Variants in NR5A1 observed in about 807,000 individuals in gnomAD.
NR5A1 encodes the protein steroidogenic factor 1.
In NR5A1, 6 loss-of-function variants were observed where a neutral mutation model predicts 42.7. The observed-to-expected ratio is 0.14, with a 90% CI of 0.08 to 0.28. The LOEUF (loss-of-function observed/expected upper bound fraction) is 0.28, where lower values mean the gene tolerates loss of function less well. NR5A1 is among the 10% of genes least tolerant of loss of function. The probability of loss-of-function intolerance (pLI) is 1.00; values close to 1 mark genes in which losing one functional copy is unlikely to be tolerated. For synonymous variants in NR5A1, 274 were observed against 277.5 expected, an observed-to-expected ratio of 0.99 and a Z score of 0.12; for missense variants, 442 against 626.4, an observed-to-expected ratio of 0.71 and a Z score of 3.14.
At position 124,501,353 on chromosome 9, in the gene NR5A1, A is replaced by G. The variant is rs1169800812; in HGVS notation, c.245-638T>C. 6.6e-6 allele frequency among the ~76,000 whole-genome samples: 1 copy of G among 152,204 alleles called. No homozygotes were observed. Among genetic ancestry groups the G allele is most frequent in the Non-Finnish European group, 1.5e-5 (1 of 68,028 alleles). On this transcript the variant is annotated intron_variant, in intron 3 of 6. Transcript: ENST00000373588. The surrounding 1 kb of genome is among the most constrained non-coding windows in gnomAD (Gnocchi z 4.1). ...ACTCAAGTATCCTTCACTGGCTGCGAATGTGAAGCCAAGTTTAGAGCTGGC... is the reference window on the plus strand; with the variant it reads ...ACTCAAGTATCCTTCACTGGCTGCGGATGTGAAGCCAAGTTTAGAGCTGGC...
intron 3 of NR5A1, among the ~76,000 whole-genome samples, chr9:124,502,196 G>A (rs1332259131): frequency 1.3e-5 from 2 of 152,158 alleles, no homozygotes; most frequent in African/African-American, 4.8e-5. Flanking sequence ...GCTAACCTGC[G>A]GCAATGAACG....
At position 124,500,367 on chromosome 9, in the gene NR5A1, G is replaced by A. The variant is rs774216266; in HGVS notation, c.593C>T (p.Pro198Leu). The A allele has an allele frequency of 9.2e-5, 143 of 1,556,536 alleles. No individual in the cohort carries two copies. The highest frequency in any genetic ancestry group is 1.2e-4 in the Non-Finnish European group (140 of 1,150,666). The change falls in exon 4 of 7, where the codon CCG becomes CTG. Residue 198 changes from proline (P) to leucine (L), a missense_variant. By Grantham distance (98) the Pro-to-Leu change is moderately conservative. Transcript: ENST00000373588. The surrounding 1 kb of genome is among the most constrained non-coding windows in gnomAD (Gnocchi z 6.9). ...CTGTGGGGGGCTGGCATAAGGCTCCGGGTACTCAGACTTGATGGCACGGCC... is the reference window on the plus strand; with the variant it reads ...CTGTGGGGGGCTGGCATAAGGCTCCAGGTACTCAGACTTGATGGCACGGCC... ...FPGRAIKSEYPEPYASPPQPG... is the reference protein window; with the variant it reads ...FPGRAIKSEYLEPYASPPQPG...
chr9:124,487,101 G>T (rs1832224281), intron 6 of NR5A1, among the ~76,000 whole-genome samples: 1 of 152,240 alleles, frequency 6.6e-6, no homozygotes, highest in South Asian at 2.1e-4. Context: ...CGGAGGTGGA[G>T]GTCGGAGGGA....
intron 4 of NR5A1, among the ~76,000 whole-genome samples, chr9:124,493,980 A>G (rs1165885556): frequency 6.6e-6 from 1 of 152,148 alleles, no homozygotes; most frequent in Non-Finnish European, 1.5e-5. Flanking sequence ...TCCCGGGATC[A>G]CACAGAGGCA....
rs367744822 is a variant in NR5A1, at chr9:124,500,073, C to T, written c.870+17G>A. 44 of 1,613,012 alleles carry T rather than the reference C, an allele frequency of 2.7e-5. No individual in the cohort carries two copies. The African/African-American group carries it at 4.5e-4, about 17-fold the overall frequency. On this transcript the variant is annotated intron_variant, in intron 4 of 6. Transcript: ENST00000373588. This position sits in a 1 kb window ranked among gnomAD's most constrained non-coding sequence, Gnocchi z 6.9. ...GGACCATGATGCAGGGCCAGCCGGG[C>T]GGGAGGAGAGACTCACCTCCAGCTC...
At position 124,499,171 on chromosome 9, in the gene NR5A1, G is replaced by A. The variant is rs186215877; in HGVS notation, c.870+919C>T. 1.2e-3 allele frequency among the ~76,000 whole-genome samples: 177 copies of A among 152,294 alleles called. 2 individuals are homozygous for A. In the South Asian group the frequency reaches 0.025, roughly 21 times the overall value. Reference sequence around the variant, plus strand: ...GGGCAGGCCTTGGTCAGCTGGAGGGGCCTCTAGGGAGGTCTCAGAGAGCCA... The same window carrying A: ...GGGCAGGCCTTGGTCAGCTGGAGGGACCTCTAGGGAGGTCTCAGAGAGCCA... On this transcript the variant is annotated intron_variant, in intron 4 of 6. Coordinates refer to ENST00000373588, the MANE Select transcript of NR5A1 (RefSeq NM_004959.5).
rs530736077 is a variant in NR5A1 at position 124,495,880 on chromosome 9, T to G, written c.871-2731A>C. 4.6e-5 allele frequency among the ~76,000 whole-genome samples: 7 copies of G among 152,308 alleles called. No individual in the cohort carries two copies. In the East Asian group the frequency reaches 1.4e-3, roughly 29 times the overall value. ...GGGCACAGAGCCACAATATGGTCGCTGAGGCTTTGGTGCCCCGTGCCCTGC... is the reference window on the plus strand; with the variant it reads ...GGGCACAGAGCCACAATATGGTCGCGGAGGCTTTGGTGCCCCGTGCCCTGC... On this transcript the variant is annotated intron_variant, in intron 4 of 6. Transcript: ENST00000373588.
At chr9:124,493,674 C>T (rs1304720779) in intron 4 of NR5A1, among the ~76,000 whole-genome samples, 1 of 152,246 alleles carries the variant, frequency 6.6e-6, no homozygotes, top group African/African-American at 2.4e-5. Flanking sequence ...CCCGGGCCTA[C>T]GCAGAGCTCT....
At chr9:124,492,503 C>CCATTCATTCATTCATT (rs151199008) in intron 5 of NR5A1, among the ~76,000 whole-genome samples, 2 of 151,974 alleles carry the variant, frequency 1.3e-5, no homozygotes, top group South Asian at 4.1e-4. Flanking sequence ...AGCCCTTTGC[C>CCATTCATTCATTCATT]CATTCATTCA....
Position 124,505,147 on chromosome 9 carries a change from G to T in NR5A1, c.-15-1737C>A, listed in dbSNP as rs553521897. Reference sequence around the variant, plus strand: ...TCATCCTCCAGGCCCCCCAGCCGCAGCCCGGCTCCCCGGACCCCGAGCGCG... The same window carrying T: ...TCATCCTCCAGGCCCCCCAGCCGCATCCCGGCTCCCCGGACCCCGAGCGCG... On this transcript the variant is annotated intron_variant, in intron 1 of 6. Transcript: ENST00000373588. Among the ~76,000 whole-genome samples, 3 of 152,284 alleles carry T rather than the reference G, an allele frequency of 2.0e-5. No individual in the cohort carries two copies. The South Asian group carries it at 6.2e-4, about 32-fold the overall frequency.
At position 124,501,125 on chromosome 9, in the gene NR5A1, C is replaced by G; in HGVS notation, c.245-410G>C. On this transcript the variant is annotated intron_variant, in intron 3 of 6. Coordinates refer to ENST00000373588, the MANE Select transcript of NR5A1 (RefSeq NM_004959.5). This position sits in a 1 kb window ranked among gnomAD's most constrained non-coding sequence, Gnocchi z 4.1. Reference sequence around the variant, plus strand: ...CTCTACTGTCCTTGCCCCAGGTGCCCTGTCCTTGCCCACTCTTATCATGCT... The same window carrying G: ...CTCTACTGTCCTTGCCCCAGGTGCCGTGTCCTTGCCCACTCTTATCATGCT... 4 of 474,824 alleles carry G rather than the reference C, an allele frequency of 8.4e-6. No individual in the cohort carries two copies. Among genetic ancestry groups the G allele is most frequent in the Non-Finnish European group, 1.7e-5 (4 of 238,240 alleles). The allele number at this position is 474,824 out of a possible 1,614,324, so 29.4% of individuals were successfully genotyped here.
At chr9:124,486,343 C>G (rs1832209006) in intron 6 of NR5A1, among the ~76,000 whole-genome samples, 1 of 152,186 alleles carries the variant, frequency 6.6e-6, no homozygotes, top group African/African-American at 2.4e-5. Flanking sequence ...TTCATCTCAG[C>G]AGACATCCAG....
chr9:124,491,242 G>T lies in NR5A1; in HGVS notation c.991-14C>A. ...GGTCAGCTCCACCTGGGGGCAGAGG[G>T]CACGGGGCGGGGGACAGTCAGAGGA... On this transcript the variant is annotated splice_polypyrimidine_tract_variant and intron_variant, in intron 5 of 6. Coordinates refer to ENST00000373588, the MANE Select transcript of NR5A1 (RefSeq NM_004959.5). 2 of 1,590,926 alleles carry T rather than the reference G, an allele frequency of 1.3e-6. No homozygotes were observed. Among genetic ancestry groups the T allele is most frequent in the Non-Finnish European group, 1.7e-6 (2 of 1,168,034 alleles).
chr9:124,492,512 C>A (rs1308284383), intron 5 of NR5A1, among the ~76,000 whole-genome samples: 1 of 152,134 alleles, frequency 6.6e-6, no homozygotes, highest in Non-Finnish European at 1.5e-5. Flanking sequence ...CCCATTCATT[C>A]ATTCATTCAT....
chr9:124,504,024 C>CAGAGAGAGAGAG (rs150663190), intron 1 of NR5A1, among the ~76,000 whole-genome samples: 2 of 105,910 alleles, frequency 1.9e-5, no homozygotes, highest in African/African-American at 5.9e-5. Context: ...GACAGGGAGA[C>CAGAGAGAGAGAG]AGAGAGAGAG....
At chr9:124,499,200 C>CA (rs1832430273) in intron 4 of NR5A1, among the ~76,000 whole-genome samples, 1 of 152,162 alleles carries the variant, frequency 6.6e-6, no homozygotes, top group African/African-American at 2.4e-5. Flanking sequence ...AGAGCCAGGG[C>CA]ACTGGAGGGG....
At chr9:124,504,490 G>A (rs553583285) in intron 1 of NR5A1, among the ~76,000 whole-genome samples, 6 of 151,988 alleles carry the variant, frequency 3.9e-5, no homozygotes, top group South Asian at 2.1e-4. Context: ...GGCGCAGCCC[G>A]AGCCGCCGCT....
rs148733893 is a variant in NR5A1, at chr9:124,500,043, C to A, written c.870+47G>T. 1 of 1,612,676 alleles carries A rather than the reference C, an allele frequency of 6.2e-7. No homozygotes were observed. The highest frequency in any genetic ancestry group is 1.3e-5 in the African/African-American group (1 of 74,942). ...ACAGTCGGGCTAAGGCTTGGGCAGC[C>A]GGGAGGACCATGATGCAGGGCCAGC... On this transcript the variant is annotated intron_variant, in intron 4 of 6. Transcript: ENST00000373588. The surrounding 1 kb of genome is among the most constrained non-coding windows in gnomAD (Gnocchi z 6.9).
At chr9:124,492,553 C>T (rs544920715) in intron 5 of NR5A1, among the ~76,000 whole-genome samples, 1 of 152,246 alleles carries the variant, frequency 6.6e-6, no homozygotes, top group Admixed American at 6.5e-5. Flanking sequence ...GCAAGGTTTG[C>T]CTGCTAAGCC....
Sources: gnomAD v4.1 joint callset for allele counts (sites outside exome capture counted in the v4.1 genomes callset) on GRCh38, gnomAD v4.1.1 for gene constraint, Gnocchi (gnomAD v3.1) non-coding constraint, MANE v1.5 for transcripts, NCBI Gene and HGNC (gene_info 2026-07-23, HGNC 2026-07-21) for gene names.